The following GTPBP8 variants were observed in gnomAD, a reference collection of about 807,000 sequenced individuals.
GTPBP8 encodes the protein GTP binding protein 8, also known as GTP-binding protein 8.
GTPBP8 carries 21 observed loss-of-function variants against 27.3 expected under a neutral mutation model. The observed-to-expected ratio is 0.77, with a 90% CI of 0.55 to 1.11. GTPBP8 has a LOEUF of 1.11. GTPBP8 is among the 50% of genes least tolerant of loss of function. GTPBP8 has a pLI of 0.00. For missense variants in GTPBP8, 380 were observed against 350.8 expected (o/e 1.08, Z -0.67); for synonymous variants, 147 against 135.3 (o/e 1.09, Z -0.60).
In GTPBP8 at chr3:112,991,137, G is replaced by A; in HGVS notation, c.138G>A (p.Lys46=). The A allele has an allele frequency of 3.7e-6, 6 of 1,613,996 alleles. No homozygotes were observed. Among genetic ancestry groups the A allele is most frequent in the Non-Finnish European group, 5.1e-6 (6 of 1,180,044 alleles). ...VLRLPKQQLR[K]LLYPLQEVER... ...GGCTGCCGAAGCAGCAGCTGAGGAA[G>A]CTGCTGTACCCGCTGCAGGAAGTAG... The change falls in exon 1 of 6, where the codon AAG becomes AAA. Residue 46 remains lysine, a synonymous_variant. Coordinates refer to ENST00000383678, the MANE Select transcript of GTPBP8 (RefSeq NM_014170.4).
chr3:113,001,168 A>T lies in GTPBP8; in HGVS notation c.*249A>T, dbSNP rs144857604. 578 of 367,442 alleles carry T rather than the reference A, an allele frequency of 1.6e-3. 5 individuals are homozygous for T. The highest frequency in any genetic ancestry group is 0.01 in the African/African-American group (474 of 47,324). 22.8% of individuals were successfully genotyped at this position (367,442 alleles called of 1,614,324 possible). On this transcript the variant is annotated 3_prime_UTR_variant, in exon 6 of 6. Coordinates refer to ENST00000383678, the MANE Select transcript of GTPBP8 (RefSeq NM_014170.4). ...CTAGCTGATTCCCCTATTTTAACAA[A>T]CTGACAAGAGCACATCCATAAAATG...
intron 4 of GTPBP8, among the ~76,000 whole-genome samples, chr3:112,998,424 G>A (rs1933828230): frequency 6.6e-6 from 1 of 152,108 alleles, no homozygotes. Context: ...TAATGAAGAT[G>A]CACAGAACCT....
chr3:112,995,019 G>C lies in GTPBP8; in HGVS notation c.436-116G>C. 4.1e-6 allele frequency: 3 copies of C among 733,744 alleles called. No homozygotes were observed. The South Asian group carries it at 5.6e-5, about 14-fold the overall frequency. The allele number at this position is 733,744 out of a possible 1,614,324, so 45.5% of individuals were successfully genotyped here. A position where few individuals can be genotyped will look rare whatever the true frequency, so the allele number is the denominator to read the frequency against. ...CTGTGTCATCATCAGCATAGTTAAG[G>C]TTATATACTTGGCTTTTAATAAATA... On this transcript the variant is annotated intron_variant, in intron 2 of 5. Coordinates refer to ENST00000383678, the MANE Select transcript of GTPBP8 (RefSeq NM_014170.4).
chr3:112,991,289 G>C lies in GTPBP8; in HGVS notation c.290G>C (p.Ser97Thr). The C allele has an allele frequency of 1.2e-6, 2 of 1,613,278 alleles. No individual in the cohort carries two copies. Among genetic ancestry groups the C allele is most frequent in the Non-Finnish European group, 1.7e-6 (2 of 1,180,020 alleles). Residue 97 changes from serine to threonine, a missense_variant, in exon 1 of 6, where the codon AGC becomes ACC. Coordinates refer to ENST00000383678, the MANE Select transcript of GTPBP8 (RefSeq NM_014170.4). Reference sequence around the variant, plus strand: ...GAACGGAACCGCATCGACTACGTCAGCTCCGCCGTCCGTATCGACCACGCC... The same window carrying C: ...GAACGGAACCGCATCGACTACGTCACCTCCGCCGTCCGTATCGACCACGCC... The part of the protein sequence containing the change: ...ATERNRIDYV[S>T]SAVRIDHAPD...
intron 3 of GTPBP8, among the ~76,000 whole-genome samples, chr3:112,995,908 A>C (rs1453630135): frequency 6.6e-6 from 1 of 152,122 alleles, no homozygotes; most frequent in Non-Finnish European, 1.5e-5. Context: ...AAAATCAGTA[A>C]ATTCTGATCA....
At chr3:112,994,959 C>T (rs543872308) in intron 2 of GTPBP8, among the ~76,000 whole-genome samples, 176 bp from the exon 3 acceptor site, 2 of 152,310 alleles carry the variant, frequency 1.3e-5, no homozygotes, top group South Asian at 2.1e-4. Flanking sequence ...ATGATCTAAA[C>T]TTATCTCCAG....
intron 5 of GTPBP8, among the ~76,000 whole-genome samples, 181 bp downstream of exon 5, chr3:112,999,745 TG>T (rs1360359714): frequency 6.6e-6 from 1 of 152,148 alleles, no homozygotes; most frequent in Non-Finnish European, 1.5e-5. Context: ...CTGTACCCTA[TG>T]TGTAGTCTTT....
intron 1 of GTPBP8, chr3:112,991,852 C>T (rs1043228770): frequency 4.3e-6 from 1 of 231,550 alleles, no homozygotes; most frequent in Non-Finnish European, 8.8e-6. Context: ...AATTTCCTAT[C>T]GTGCAAAAAT....
At position 113,001,548 on chromosome 3, in the gene GTPBP8, A is replaced by T. The variant is rs1275358207; in HGVS notation, c.*629A>T. The stretch of plus-strand genomic sequence containing the variant: ...AAATTCATTTGTTACTGTAAACGTG[A>T]AAGCTATTAAGATTCAAATGAATGG... On this transcript the variant is annotated 3_prime_UTR_variant, in exon 6 of 6. Coordinates refer to ENST00000383678, the MANE Select transcript of GTPBP8 (RefSeq NM_014170.4). 1 of 152,238 alleles carries T rather than the reference A, an allele frequency of 6.6e-6. No homozygotes were observed. Among genetic ancestry groups the T allele is most frequent in the African/African-American group, 2.4e-5 (1 of 41,466 alleles). 9.4% of individuals were successfully genotyped at this position (152,238 alleles called of 1,614,324 possible).
chr3:112,991,373 G>T (rs762262788), intron 1 of GTPBP8, 38 bp downstream of exon 1: 5 of 1,584,006 alleles, frequency 3.2e-6, no homozygotes, highest in Non-Finnish European at 4.3e-6. Flanking sequence ...GCGCGCCGGC[G>T]TCACAGCGCT....
chr3:112,998,131 CACA>C (rs1206902031), intron 4 of GTPBP8, among the ~76,000 whole-genome samples: 3 of 152,060 alleles, frequency 2.0e-5, no homozygotes, highest in African/African-American at 7.2e-5. Context: ...GCTCTCATAC[CACA>C]ACAATTAACA....
intron 2 of GTPBP8, among the ~76,000 whole-genome samples, chr3:112,994,305 TC>T (rs1324790449): frequency 6.6e-6 from 1 of 151,694 alleles, no homozygotes; most frequent in Non-Finnish European, 1.5e-5. Flanking sequence ...TTCCTGTAAT[TC>T]CAGCTAATCG....
intron 3 of GTPBP8, 30 bp from the exon 4 acceptor site, chr3:112,996,862 C>A: frequency 1.1e-6 from 1 of 926,546 alleles, no homozygotes; most frequent in Non-Finnish European, 1.8e-6. Flanking sequence ...TTTTATATTG[C>A]CATTAATCTT....
At chr3:112,993,562 C>T (rs1465699960) in intron 2 of GTPBP8, among the ~76,000 whole-genome samples, 3 of 152,164 alleles carry the variant, frequency 2.0e-5, no homozygotes, top group Non-Finnish European at 4.4e-5. Flanking sequence ...TGCTTGTTTT[C>T]CTAGCCAGTC....
chr3:112,995,161 C>T lies in GTPBP8; in HGVS notation c.462C>T (p.Phe154=). 1 of 1,598,680 alleles carries T rather than the reference C, an allele frequency of 6.3e-7. No individual in the cohort carries two copies. The highest frequency in any genetic ancestry group is 2.2e-5 in the East Asian group (1 of 44,610). ...GACACACAAAGAAAATGAATTTTTT[C>T]AAAGTTGGAAAACATTTTACAGTGG... ...KPGHTKKMNF[F]KVGKHFTVVD... is the part of the protein sequence containing the mutation. Residue 154 remains phenylalanine (F), a synonymous_variant, in exon 3 of 6, where the codon TTC becomes TTT. Transcript: ENST00000383678.
At position 113,000,899 on chromosome 3, in the gene GTPBP8, G is replaced by GGCTATATA; in HGVS notation, c.835_836insGCTATATA (p.Val279GlyfsTer4). The GGCTATATA allele has an allele frequency of 6.4e-7, 1 of 1,561,494 alleles. No individual in the cohort carries two copies. Among genetic ancestry groups the GGCTATATA allele is most frequent in the Admixed American group, 1.7e-5 (1 of 59,076 alleles). Reference sequence around the variant, plus strand: ...CCTGTTGAGATGCTTTATAGCCAGTGTAACAGGAAGTCTTGACTAATGGTT... The same window carrying GGCTATATA: ...CCTGTTGAGATGCTTTATAGCCAGTGGCTATATATAACAGGAAGTCTTGACTAATGGTT... On this transcript the variant is annotated frameshift_variant, in exon 6 of 6. Coordinates refer to ENST00000383678, the MANE Select transcript of GTPBP8 (RefSeq NM_014170.4). LOFTEE classifies it high-confidence loss of function.
At position 113,001,189 on chromosome 3, in the gene GTPBP8, A is replaced by C; in HGVS notation, c.*270A>C. 3.3e-6 allele frequency: 1 copy of C among 299,992 alleles called. No individual in the cohort carries two copies. The highest frequency in any genetic ancestry group is 6.1e-6 in the Non-Finnish European group (1 of 162,786). The allele number at this position is 299,992 out of a possible 1,614,324, so 18.6% of individuals were successfully genotyped here. A position where few individuals can be genotyped will look rare whatever the true frequency, so the allele number is the denominator to read the frequency against. On this transcript the variant is annotated 3_prime_UTR_variant, in exon 6 of 6. Transcript: ENST00000383678. Reference sequence around the variant, plus strand: ...ACAAACTGACAAGAGCACATCCATAAAATGAAAACCTGTTACAACTATGTA... The same window carrying C: ...ACAAACTGACAAGAGCACATCCATACAATGAAAACCTGTTACAACTATGTA...
chr3:112,992,718 G>A (rs978913444), intron 1 of GTPBP8, among the ~76,000 whole-genome samples: 4 of 152,120 alleles, frequency 2.6e-5, no homozygotes, highest in South Asian at 2.1e-4. Flanking sequence ...CTTGAGTAGC[G>A]TAGTGAAACT....
At chr3:113,000,744 G>C in intron 5 of GTPBP8, 106 bp from the exon 6 acceptor site, 1 of 667,250 alleles carries the variant, frequency 1.5e-6, no homozygotes, top group African/African-American at 1.8e-5. Context: ...AAGATGTTCT[G>C]CTTTCATATA....
Sources: allele counts gnomAD v4.1 joint callset (sites outside exome capture counted in the v4.1 genomes callset), GRCh38; gene constraint gnomAD v4.1.1; transcripts MANE v1.5; gene names NCBI Gene and HGNC (gene_info 2026-07-23, HGNC 2026-07-21).